SHKBP1: variants seen among roughly 807,000 people sequenced by gnomAD.
SHKBP1 encodes SH3KBP1 binding protein 1.
In SHKBP1, 71 loss-of-function variants were observed where a neutral mutation model predicts 83.9. The observed-to-expected ratio is 0.85, with a 90% CI of 0.70 to 1.03. The LOEUF (loss-of-function observed/expected upper bound fraction) is 1.03. Ranked by LOEUF, SHKBP1 falls within the 50% of genes least tolerant of loss-of-function variation. The probability of loss-of-function intolerance (pLI) is 0.00; values close to 1 mark genes in which losing one functional copy is unlikely to be tolerated. For synonymous variants in SHKBP1, 371 were observed against 398.0 expected, an observed-to-expected ratio of 0.93 and a Z score of 0.81; for missense variants, 824 against 982.4, an observed-to-expected ratio of 0.84 and a Z score of 2.16.
chr19:40,578,118 C>T (rs777759415), intron 4 of SHKBP1, 36 bp from the exon 5 acceptor site: 3 of 1,577,926 alleles, frequency 1.9e-6, no homozygotes, highest in Non-Finnish European at 2.6e-6. Flanking sequence ...CACCCCCACA[C>T]CTAGACCCTG....
intron 14 of SHKBP1, 51 bp downstream of exon 14, chr19:40,588,830 C>T (rs887200054): frequency 3.3e-5 from 53 of 1,596,474 alleles, no homozygotes; most frequent in African/African-American, 1.5e-4. Flanking sequence ...TTACCTGACC[C>T]CTGTTGACCT....
At chr19:40,584,121 G>T (rs954940105) in intron 12 of SHKBP1, among the ~76,000 whole-genome samples, 1 of 152,136 alleles carries the variant, frequency 6.6e-6, no homozygotes, top group Non-Finnish European at 1.5e-5. Flanking sequence ...GATTACAGAC[G>T]TGAGCCACCG....
At chr19:40,586,649 A>G in intron 12 of SHKBP1, 125 bp from the exon 13 acceptor site, 1 of 968,792 alleles carries the variant, frequency 1.0e-6, no homozygotes, top group Non-Finnish European at 1.4e-6. Context: ...TTACGGCGTG[A>G]GCCACCGTGC....
rs778452339 is a variant in SHKBP1 at position 40,582,448 on chromosome 19, C to T, written c.942C>T (p.Ala314=). The change falls in exon 10 of 18, where the codon GCC becomes GCT. Residue 314 remains alanine, a synonymous_variant. Transcript: ENST00000291842. ...SHTGRIGVWN[A]VTKHWQVQEV... is the part of the protein sequence containing the mutation. ...CAGGGCGCATCGGGGTGTGGAATGC[C>T]GTCACCAAGCACTGGCAGGTCAGAG... is the stretch of plus-strand genomic sequence containing the variant. 50 of 1,614,048 alleles carry T rather than the reference C, an allele frequency of 3.1e-5. No individual in the cohort carries two copies. Among genetic ancestry groups the T allele is most frequent in the Non-Finnish European group, 3.7e-5 (44 of 1,179,982 alleles).
chr19:40,591,326 G>T lies in SHKBP1; in HGVS notation c.*119G>T. On this transcript the variant is annotated 3_prime_UTR_variant, in exon 18 of 18. Coordinates refer to ENST00000291842, the MANE Select transcript of SHKBP1 (RefSeq NM_138392.4). ...GGCCTCCTTGGAATAAATGGTTATT[G>T]TTACTAGGTCCCCACCTTCCCTCTT... 2.3e-6 allele frequency: 2 copies of T among 851,682 alleles called. No homozygotes were observed. The highest frequency in any genetic ancestry group is 3.5e-6 in the Non-Finnish European group (2 of 572,002). The allele number at this position is 851,682 out of a possible 1,614,324, so 52.8% of individuals were successfully genotyped here. A position where few individuals can be genotyped will look rare whatever the true frequency, so the allele number is the denominator to read the frequency against.
chr19:40,584,885 T>G lies in SHKBP1; in HGVS notation c.1165+1168T>G, dbSNP rs2081298953. 2.6e-5 allele frequency among the ~76,000 whole-genome samples: 4 copies of G among 152,240 alleles called. 1 individual carries two copies. In the South Asian group the frequency reaches 8.3e-4, roughly 31 times the overall value. On this transcript the variant is annotated intron_variant, in intron 12 of 17. Coordinates refer to ENST00000291842, the MANE Select transcript of SHKBP1 (RefSeq NM_138392.4). ...ATTTGCCTGTTCTGGACAATTCCTGTAAATGGGATCATACATTATATGGTC... is the reference window on the plus strand; with the variant it reads ...ATTTGCCTGTTCTGGACAATTCCTGGAAATGGGATCATACATTATATGGTC...
At chr19:40,582,252 C>T in intron 9 of SHKBP1, 99 bp from the exon 10 acceptor site, 2 of 916,514 alleles carry the variant, frequency 2.2e-6, no homozygotes, top group Non-Finnish European at 3.6e-6. Flanking sequence ...TTCAAGGATT[C>T]TGTGGTCCCA....
Position 40,590,699 on chromosome 19 carries a change from T to C in SHKBP1, c.1769-31T>C. ...GGCCCTTGCCCTATGACCCCTGTCT[T>C]GCCCCCTGACCCTGCTTCCGTGCCC... On this transcript the variant is annotated intron_variant, in intron 16 of 17. Coordinates refer to ENST00000291842, the MANE Select transcript of SHKBP1 (RefSeq NM_138392.4). The surrounding 1 kb of genome is among the most constrained non-coding windows in gnomAD (Gnocchi z 4.6). The C allele has an allele frequency of 6.4e-7, 1 of 1,552,984 alleles. No individual in the cohort carries two copies. Among genetic ancestry groups the C allele is most frequent in the African/African-American group, 1.4e-5 (1 of 73,794 alleles).
rs768368759 is a variant in SHKBP1 at position 40,590,864 on chromosome 19, C to T, written c.1892+11C>T. ...CATCTCCCTCACCAGGTAGCCACAA[C>T]TCCACTGCCCCTTCTGTGCAATGAG... On this transcript the variant is annotated intron_variant, in intron 17 of 17. Transcript: ENST00000291842. The surrounding 1 kb of genome is among the most constrained non-coding windows in gnomAD (Gnocchi z 4.6). The T allele has an allele frequency of 6.4e-7, 1 of 1,573,922 alleles. No individual in the cohort carries two copies. The highest frequency in any genetic ancestry group is 8.7e-7 in the Non-Finnish European group (1 of 1,151,728).
chr19:40,582,918 A>G (rs1230338838), intron 10 of SHKBP1, among the ~76,000 whole-genome samples: 4 of 152,088 alleles, frequency 2.6e-5, no homozygotes, highest in Admixed American at 2.0e-4. Context: ...GAAAGAGGTG[A>G]CAGAGAAGGG....
rs770649875 is a variant in SHKBP1 at position 40,588,612 on chromosome 19, T to C, written c.1337-12T>C. ...ACCAGGCCTGACTTCCTGCTCTCCT[T>C]GTGCCCCTCAGTCTGTGCCGACAAC... On this transcript the variant is annotated splice_polypyrimidine_tract_variant and intron_variant, in intron 13 of 17. Coordinates refer to ENST00000291842, the MANE Select transcript of SHKBP1 (RefSeq NM_138392.4). 2 of 1,614,012 alleles carry C rather than the reference T, an allele frequency of 1.2e-6. No homozygotes were observed. The highest frequency in any genetic ancestry group is 1.3e-5 in the African/African-American group (1 of 74,930).
In SHKBP1 at chr19:40,590,887, G is replaced by A. The variant is rs762984558; in HGVS notation, c.1892+34G>A. On this transcript the variant is annotated intron_variant, in intron 17 of 17. Transcript: ENST00000291842. The surrounding 1 kb of genome is among the most constrained non-coding windows in gnomAD (Gnocchi z 4.6). The stretch of plus-strand genomic sequence containing the variant: ...AACTCCACTGCCCCTTCTGTGCAAT[G>A]AGGGGAGAGGGGACAGCATGGTGTT... 7.6e-6 allele frequency: 12 copies of A among 1,568,882 alleles called. No individual in the cohort carries two copies. The Admixed American group carries it at 2.1e-4, about 27-fold the overall frequency.
chr19:40,584,468 C>T (rs970508414), intron 12 of SHKBP1, among the ~76,000 whole-genome samples: 5 of 152,164 alleles, frequency 3.3e-5, no homozygotes, highest in Non-Finnish European at 5.9e-5. Context: ...TTTGAACGTG[C>T]ACAATTCAGC....
intron 9 of SHKBP1, among the ~76,000 whole-genome samples, chr19:40,581,174 C>A (rs1336655080): frequency 3.3e-5 from 5 of 152,246 alleles, no homozygotes; most frequent in African/African-American, 1.2e-4. Flanking sequence ...CCTGTTAGAT[C>A]TCTTGGTTTT....
Position 40,583,714 on chromosome 19 carries a change from A to C in SHKBP1, c.1162A>C (p.Thr388Pro). 6.2e-7 allele frequency: 1 copy of C among 1,612,544 alleles called. No individual in the cohort carries two copies. The highest frequency in any genetic ancestry group is 8.5e-7 in the Non-Finnish European group (1 of 1,178,908). Reference sequence around the variant, plus strand: ...CCTCAGTGTCTACCTCACCCCCAAGACCAGTAAGCTATGACCCGGCTTCCC... The same window carrying C: ...CCTCAGTGTCTACCTCACCCCCAAGCCCAGTAAGCTATGACCCGGCTTCCC... ...TALSVYLTPK[T>P]SDSGNWIEIA... The change falls in exon 12 of 18, where the codon ACC (threonine) becomes CCC (proline). Residue 388 changes from threonine (T) to proline (P), a missense_variant. Around this residue, in one of 3 missense-constraint regions of SHKBP1, gnomAD observed 182 missense variants for 273.1 expected, o/e 0.67. Transcript: ENST00000291842.
At chr19:40,577,352 A>G in intron 2 of SHKBP1, 44 bp from the exon 3 acceptor site, 1 of 1,609,104 alleles carries the variant, frequency 6.2e-7, no homozygotes, top group Admixed American at 1.7e-5. Flanking sequence ...CCTAATATCC[A>G]CTCCCCCGGC....
At position 40,580,817 on chromosome 19, in the gene SHKBP1, C is replaced by T. The variant is rs137860505; in HGVS notation, c.725C>T (p.Ala242Val). ...CTGGACTGGCCCATCGAACGACTGG[C>T]GCTCACAGCCCGGGTGCATGGTGGG... ...PRLDWPIERL[A>V]LTARVHGGAL... The change falls in exon 9 of 18, where the codon GCG (alanine) becomes GTG (valine). Residue 242 changes from alanine (A) to valine (V), a missense_variant. By Grantham distance (64) the Ala-to-Val change is moderately conservative (BLOSUM62 0). This residue lies in a region of SHKBP1 where 355 missense variants were observed against 386.4 expected (regional missense o/e 0.92). Coordinates refer to ENST00000291842, the MANE Select transcript of SHKBP1 (RefSeq NM_138392.4). 7 of 1,613,152 alleles carry T rather than the reference C, an allele frequency of 4.3e-6. No homozygotes were observed. Among genetic ancestry groups the T allele is most frequent in the Non-Finnish European group, 5.1e-6 (6 of 1,179,558 alleles).
chr19:40,588,836 G>T, intron 14 of SHKBP1, 57 bp downstream of exon 14: 1 of 1,587,846 alleles, frequency 6.3e-7, no homozygotes. Context: ...GACCCCTGTT[G>T]ACCTCCGCTG....
rs372420145 is a variant in SHKBP1 at position 40,580,501 on chromosome 19, G to A, written c.562+16G>A. The A allele has an allele frequency of 1.7e-5, 27 of 1,613,496 alleles. No individual in the cohort carries two copies. In the East Asian group the frequency reaches 2.9e-4, roughly 17 times the overall value. ...TCACCCTCAGGTACGTTTCTATCTC[G>A]TGGAAGGTTGGGGCAGCTGTGGGGT... On this transcript the variant is annotated intron_variant, in intron 7 of 17. Coordinates refer to ENST00000291842, the MANE Select transcript of SHKBP1 (RefSeq NM_138392.4).
Sources: gnomAD v4.1 joint callset for allele counts (sites outside exome capture counted in the v4.1 genomes callset) on GRCh38, gnomAD v4.1.1 for gene constraint, gnomAD v4.1.1 regional missense constraint, Gnocchi (gnomAD v3.1) non-coding constraint, MANE v1.5 for transcripts, NCBI Gene and HGNC (gene_info 2026-07-23, HGNC 2026-07-21) for gene names.